The following ADCK1 variants were observed in gnomAD, a reference collection of about 807,000 sequenced individuals.
ADCK1 encodes aarF domain-containing protein kinase 1.
ADCK1 carries 41 observed loss-of-function variants against 52.3 expected under a neutral mutation model. That is an observed-to-expected ratio of 0.78 (90% CI 0.61 to 1.02). The LOEUF (loss-of-function observed/expected upper bound fraction) is 1.02. Ranked by LOEUF, ADCK1 falls within the 50% of genes least tolerant of loss-of-function variation. The pLI is 0.00. For synonymous variants in ADCK1, 250 were observed against 274.6 expected, an observed-to-expected ratio of 0.91 and a Z score of 0.89; for missense variants, 658 against 679.5, an observed-to-expected ratio of 0.97 and a Z score of 0.35.
At position 77,933,550 on chromosome 14, in the gene ADCK1, C is replaced by A; in HGVS notation, c.*159C>A. 1 of 817,840 alleles carries A rather than the reference C, an allele frequency of 1.2e-6. No individual in the cohort carries two copies. The highest frequency in any genetic ancestry group is 1.9e-6 in the Non-Finnish European group (1 of 520,352). 50.7% of individuals were successfully genotyped at this position (817,840 alleles called of 1,614,324 possible). ...CTCCTCCTTTGGAATCCTCTCCGCACACTGTGGCCCTTGTCTCAGGGCCCA... is the reference window on the plus strand; with the variant it reads ...CTCCTCCTTTGGAATCCTCTCCGCAAACTGTGGCCCTTGTCTCAGGGCCCA... On this transcript the variant is annotated 3_prime_UTR_variant, in exon 11 of 11. Transcript: ENST00000238561.
chr14:77,866,994 C>T (rs1333956639), intron 4 of ADCK1, among the ~76,000 whole-genome samples: 1 of 152,210 alleles, frequency 6.6e-6, no homozygotes, highest in Non-Finnish European at 1.5e-5. Context: ...AACTTCTCCC[C>T]ATCCTCCTCT....
At chr14:77,828,500 G>A (rs745523412) in intron 3 of ADCK1, among the ~76,000 whole-genome samples, 28 of 152,034 alleles carry the variant, frequency 1.8e-4, no homozygotes, top group Non-Finnish European at 3.5e-4. Context: ...ATTCTTCTGT[G>A]AGAAAGACCT....
intron 6 of ADCK1, among the ~76,000 whole-genome samples, chr14:77,905,304 G>GTTTTTTTTTTTTTTTTTTTTTTTTTTTT (rs58057378): frequency 7.3e-5 from 7 of 96,278 alleles, no homozygotes; most frequent in Non-Finnish European, 1.2e-4. Flanking sequence ...TTCCTAGCTG[G>GTTTTTTTTTTTTTTTTTTTTTTTTTTTT]TTTTTTTTTT....
At chr14:77,898,932 C>T (rs1377380832) in intron 5 of ADCK1, among the ~76,000 whole-genome samples, 168 bp from the exon 6 acceptor site, 1 of 152,176 alleles carries the variant, frequency 6.6e-6, no homozygotes, top group Non-Finnish European at 1.5e-5. Flanking sequence ...GAGTACCAAG[C>T]TTATGGGAGA....
chr14:77,905,783 C>T (rs956788129), intron 6 of ADCK1, among the ~76,000 whole-genome samples: 1 of 152,222 alleles, frequency 6.6e-6, no homozygotes, highest in Non-Finnish European at 1.5e-5. Context: ...CACAGCATTC[C>T]AGCCTGGGTG....
intron 6 of ADCK1, among the ~76,000 whole-genome samples, chr14:77,905,289 ACT>A (rs2083634875): frequency 8.5e-6 from 1 of 117,774 alleles, no homozygotes. Context: ...TCCACCTGTG[ACT>A]CTTTCCTAGC....
intron 3 of ADCK1, among the ~76,000 whole-genome samples, chr14:77,837,428 A>G (rs557461190): frequency 1.1e-4 from 16 of 152,338 alleles, no homozygotes; most frequent in Admixed American, 6.5e-5. Flanking sequence ...GTGAGCCACC[A>G]TGCCCAGCTT....
intron 3 of ADCK1, among the ~76,000 whole-genome samples, chr14:77,834,022 C>G (rs541250288): frequency 1.3e-5 from 2 of 152,174 alleles, no homozygotes; most frequent in Non-Finnish European, 2.9e-5. Flanking sequence ...AAATAGTACA[C>G]TTTACCCATG....
rs1269963748 is a variant in ADCK1 at position 77,849,412 on chromosome 14, C to T, written c.220-9664C>T. 3.9e-5 allele frequency among the ~76,000 whole-genome samples: 6 copies of T among 151,982 alleles called. No homozygotes were observed. In the East Asian group the frequency reaches 1.2e-3, roughly 29 times the overall value. ...TAATTTACCTTTGATTCTTCTTTGC[C>T]CTATGAGTTCTTTAGAACGGTGTTA... On this transcript the variant is annotated intron_variant, in intron 3 of 10. Transcript: ENST00000238561.
At chr14:77,912,974 C>T in intron 7 of ADCK1, among the ~76,000 whole-genome samples, 1 of 152,166 alleles carries the variant, frequency 6.6e-6, no homozygotes. Context: ...CTCTCTGGTC[C>T]TCAGTATGCT....
At chr14:77,922,209 C>T (rs1284268183) in intron 7 of ADCK1, among the ~76,000 whole-genome samples, 1 of 152,134 alleles carries the variant, frequency 6.6e-6, no homozygotes, top group Non-Finnish European at 1.5e-5. Context: ...CAGGACCAGC[C>T]CTGGCTGGGG....
In ADCK1 at chr14:77,922,480, G is replaced by A. The variant is rs542897419; in HGVS notation, c.859-1977G>A. On this transcript the variant is annotated intron_variant, in intron 7 of 10. Transcript: ENST00000238561. Reference sequence around the variant, plus strand: ...CCTTCCAGGGGTGTTATGAGGAATCGGGGGCGCTTATGAGAGTCACCAGGG... The same window carrying A: ...CCTTCCAGGGGTGTTATGAGGAATCAGGGGCGCTTATGAGAGTCACCAGGG... 3.9e-5 allele frequency among the ~76,000 whole-genome samples: 6 copies of A among 152,276 alleles called. No homozygotes were observed. The East Asian group carries it at 9.6e-4, about 24-fold the overall frequency.
chr14:77,885,431 C>T (rs937604521), intron 4 of ADCK1, among the ~76,000 whole-genome samples: 1 of 152,178 alleles, frequency 6.6e-6, no homozygotes, highest in African/African-American at 2.4e-5. Context: ...GTAGGCCTTT[C>T]CTCATGTGGC....
intron 7 of ADCK1, among the ~76,000 whole-genome samples, chr14:77,913,794 G>A (rs2083852812): frequency 2.0e-5 from 3 of 152,192 alleles, no homozygotes; most frequent in Non-Finnish European, 2.9e-5. Context: ...AAGATTGGGG[G>A]TAGTCCTGGG....
At chr14:77,837,158 T>C (rs2081978655) in intron 3 of ADCK1, among the ~76,000 whole-genome samples, 1 of 151,326 alleles carries the variant, frequency 6.6e-6, no homozygotes, top group Non-Finnish European at 1.5e-5. Context: ...AAATTCTTTT[T>C]TTTTTTTTTT....
At chr14:77,906,829 C>A (rs1234726652) in intron 6 of ADCK1, among the ~76,000 whole-genome samples, 1 of 152,150 alleles carries the variant, frequency 6.6e-6, no homozygotes, top group Non-Finnish European at 1.5e-5. Flanking sequence ...TTCCCAGAAT[C>A]CCCTAGCAGG....
At chr14:77,926,716 T>C (rs985570256) in intron 9 of ADCK1, among the ~76,000 whole-genome samples, 1 of 152,164 alleles carries the variant, frequency 6.6e-6, no homozygotes, top group Non-Finnish European at 1.5e-5. Flanking sequence ...TTTGTGGTCA[T>C]TATTTGTAGC....
chr14:77,903,948 A>G (rs539288151), intron 6 of ADCK1, among the ~76,000 whole-genome samples: 162 of 152,254 alleles, frequency 1.1e-3, no homozygotes, highest in African/African-American at 3.8e-3. Flanking sequence ...AGGTGCCATA[A>G]TCACCCCCAT....
rs2084379700 is a variant in ADCK1 at position 77,933,222 on chromosome 14, A to T, written c.1403A>T (p.His468Leu). 5.0e-6 allele frequency: 8 copies of T among 1,611,750 alleles called. No individual in the cohort carries two copies. In the South Asian group the frequency reaches 8.8e-5, roughly 18 times the overall value. Residue 468 changes from histidine (H) to leucine (L), a missense_variant and splice_region_variant, in exon 11 of 11, where the codon CAC becomes CTC. His to Leu is a moderately conservative substitution (Grantham distance 99). Coordinates refer to ENST00000238561, the MANE Select transcript of ADCK1 (RefSeq NM_020421.4). ...SRCCIRALAE[H>L]KKKNTCSFFR... ...CTTTTTTCTTTCCCTTTTTCCAGGC[A>T]CAAGAAGAAGAATACCTGTTCATTC...
Sources: gnomAD v4.1 joint callset for allele counts (sites outside exome capture counted in the v4.1 genomes callset) on GRCh38, gnomAD v4.1.1 for gene constraint, MANE v1.5 for transcripts, NCBI Gene and HGNC (gene_info 2026-07-23, HGNC 2026-07-21) for gene names.